Variants in EIF4E3 observed in about 807,000 individuals in gnomAD.
EIF4E3 encodes eukaryotic translation initiation factor 4E family member 3.
EIF4E3 carries 26 observed loss-of-function variants against 31.7 expected under a neutral mutation model. The ratio of observed to expected loss-of-function variants is 0.82; its 90% CI spans 0.60 to 1.14. The LOEUF is 1.14. Ranked by LOEUF, EIF4E3 falls within the 50% of genes most tolerant of loss-of-function variation. The pLI is 0.00. For missense variants in EIF4E3, 304 were observed against 270.9 expected, an observed-to-expected ratio of 1.12 and a Z score of -0.86; for synonymous variants, 128 against 107.7, an observed-to-expected ratio of 1.19 and a Z score of -1.17.
At chr3:71,731,076 T>C in intron 1 of EIF4E3, among the ~76,000 whole-genome samples, 1 of 152,146 alleles carries the variant, frequency 6.6e-6, no homozygotes, top group Non-Finnish European at 1.5e-5. Context: ...TCCTCACTCC[T>C]GAGTCAGCCA....
chr3:71,754,485 G>GCC, upstream of EIF4E3: 1 of 1,297,704 alleles, frequency 7.7e-7, no homozygotes, highest in Non-Finnish European at 9.8e-7. The surrounding 1 kb of genome is among the most constrained non-coding windows in gnomAD (Gnocchi z 5.8). Flanking sequence ...GCTGGTGTGC[G>GCC]CCGCCTGGGC....
intron 2 of EIF4E3, among the ~76,000 whole-genome samples, chr3:71,708,109 A>T (rs1447900): frequency 0.33 from 50,438 of 151,934 alleles, 9,069 homozygotes; most frequent in African/African-American, 0.47. Flanking sequence ...CCTGACCTCA[A>T]GTGATCCGCC....
the EIF4E3 span, among the ~76,000 whole-genome samples, chr3:71,659,685 G>T: frequency 2.0e-5 from 3 of 152,050 alleles, no homozygotes; most frequent in East Asian, 1.9e-4. Flanking sequence ...AACAATAAAG[G>T]TTCACCAATT....
At chr3:71,725,436 G>GGCCCCC, upstream of EIF4E3, 1 of 869,466 alleles carries the variant, frequency 1.2e-6, no homozygotes, top group Non-Finnish European at 1.4e-6. The surrounding 1 kb of genome is among the most constrained non-coding windows in gnomAD (Gnocchi z 6.1). Context: ...AGTCACCCCC[G>GGCCCCC]GCCCCCGCCC....
chr3:71,735,626 T>G (rs2049754907), intron 1 of EIF4E3, among the ~76,000 whole-genome samples: 1 of 152,154 alleles, frequency 6.6e-6, no homozygotes, highest in Non-Finnish European at 1.5e-5. Context: ...CACTCCTTAA[T>G]AAGGCAATTG....
At chr3:71,688,067 C>T (rs1430625531) in intron 6 of EIF4E3, among the ~76,000 whole-genome samples, 3 of 151,904 alleles carry the variant, frequency 2.0e-5, no homozygotes, top group African/African-American at 4.8e-5. Context: ...TTTTTAAATG[C>T]CAATTTATGC....
Position 71,680,585 on chromosome 3 carries a change from A to T in EIF4E3, c.*4097T>A, listed in dbSNP as rs903017532. 8 of 152,256 alleles carry T rather than the reference A, an allele frequency of 5.3e-5. No homozygotes were observed. Among genetic ancestry groups the T allele is most frequent in the Non-Finnish European group, 1.2e-4 (8 of 68,032 alleles). 9.4% of individuals were successfully genotyped at this position (152,256 alleles called of 1,614,324 possible). A position where few individuals can be genotyped will look rare whatever the true frequency, so the allele number is the denominator to read the frequency against. The stretch of plus-strand genomic sequence containing the variant: ...TAGATTTGGATGTATATGTAAAAAT[A>T]ATAGAAAATAAAATCAGAACAGTAT... On this transcript the variant is annotated 3_prime_UTR_variant, in exon 7 of 7. Coordinates refer to ENST00000425534, the MANE Select transcript of EIF4E3 (RefSeq NM_001134651.2).
At chr3:71,686,289 C>T (rs988933436) in intron 6 of EIF4E3, among the ~76,000 whole-genome samples, 2 of 152,146 alleles carry the variant, frequency 1.3e-5, no homozygotes, top group African/African-American at 2.4e-5. Context: ...TGTACCTGGC[C>T]TCTGTGTTTT....
chr3:71,744,898 C>T (rs1180208062), intron 1 of EIF4E3, among the ~76,000 whole-genome samples: 1 of 152,140 alleles, frequency 6.6e-6, no homozygotes, highest in African/African-American at 2.4e-5. Flanking sequence ...GAGAAGAGAA[C>T]AGCATGCTTT....
intron 6 of EIF4E3, among the ~76,000 whole-genome samples, chr3:71,688,771 G>A (rs961376752): frequency 1.3e-5 from 2 of 151,966 alleles, no homozygotes; most frequent in African/African-American, 2.4e-5. Flanking sequence ...AAATGGCATC[G>A]GCAAATTGGC....
At chr3:71,754,419 A>G, upstream of EIF4E3, 1 of 1,350,526 alleles carries the variant, frequency 7.4e-7, no homozygotes, top group Non-Finnish European at 9.6e-7. This position sits in a 1 kb window ranked among gnomAD's most constrained non-coding sequence, Gnocchi z 5.8. Flanking sequence ...CTACCTGGCC[A>G]TCGCGCACCA....
intron 1 of EIF4E3, among the ~76,000 whole-genome samples, chr3:71,739,493 C>A (rs2049798468): frequency 6.6e-6 from 1 of 151,868 alleles, no homozygotes; most frequent in Non-Finnish European, 1.5e-5. Context: ...GCTATGTGCC[C>A]CAGACCAGTC....
At chr3:71,709,458 C>A (rs1045418806) in intron 2 of EIF4E3, among the ~76,000 whole-genome samples, 1 of 152,204 alleles carries the variant, frequency 6.6e-6, no homozygotes, top group African/African-American at 2.4e-5. Context: ...CAGCTCACTG[C>A]AGTGTTGAAA....
chr3:71,732,409 A>C (rs2049716112), intron 1 of EIF4E3, among the ~76,000 whole-genome samples: 1 of 152,118 alleles, frequency 6.6e-6, no homozygotes, highest in Non-Finnish European at 1.5e-5. Flanking sequence ...TGATTTAAAA[A>C]AAAAAAGTCC....
chr3:71,733,482 T>G (rs2049728332), intron 1 of EIF4E3, among the ~76,000 whole-genome samples: 1 of 152,214 alleles, frequency 6.6e-6, no homozygotes, highest in Non-Finnish European at 1.5e-5. Context: ...TAAGCTGAAA[T>G]AATCATATTT....
chr3:71,754,604 C>T (rs1420752351), upstream of EIF4E3: 9 of 1,444,200 alleles, frequency 6.2e-6, no homozygotes, highest in African/African-American at 4.5e-5. This position sits in a 1 kb window ranked among gnomAD's most constrained non-coding sequence, Gnocchi z 5.8. Flanking sequence ...GCGCGCTGGG[C>T]TTCCTGCTGC....
chr3:71,659,909 T>G, the EIF4E3 span, among the ~76,000 whole-genome samples: 1 of 152,176 alleles, frequency 6.6e-6, no homozygotes, highest in East Asian at 1.9e-4. Context: ...GAGGCCAAAG[T>G]GTAGATTATT....
At chr3:71,675,109 C>A (rs987694163), downstream of EIF4E3, among the ~76,000 whole-genome samples, 1 of 152,206 alleles carries the variant, frequency 6.6e-6, no homozygotes, top group Non-Finnish European at 1.5e-5. Flanking sequence ...ACATTCTGGT[C>A]AAGAAACCAA....
intron 2 of EIF4E3, among the ~76,000 whole-genome samples, chr3:71,699,990 T>C (rs1200223921): frequency 6.6e-6 from 1 of 152,118 alleles, no homozygotes; most frequent in Non-Finnish European, 1.5e-5. Context: ...CTGGGCAATG[T>C]GGCAAGATCC....
Sources: allele counts gnomAD v4.1 joint callset (sites outside exome capture counted in the v4.1 genomes callset), GRCh38; gene constraint gnomAD v4.1.1; non-coding constraint Gnocchi (gnomAD v3.1); transcripts MANE v1.5; gene names NCBI Gene and HGNC (gene_info 2026-07-23, HGNC 2026-07-21).